GRB14: variants seen among roughly 807,000 people sequenced by gnomAD.
GRB14 encodes growth factor receptor-bound protein 14.
Under a neutral mutation model 69.1 loss-of-function variants are expected in GRB14, and 38 were observed. That is an observed-to-expected ratio of 0.55 (90% confidence interval 0.42 to 0.72). The LOEUF is 0.72. Ranked by LOEUF, GRB14 falls within the 30% of genes least tolerant of loss-of-function variation. The pLI is 0.00. For synonymous variants in GRB14, 247 were observed against 241.3 expected (o/e 1.02, Z -0.22); for missense variants, 666 against 666.1 (o/e 1.00, Z 0.00).
chr2:164,607,768 T>G (rs1690074794), intron 2 of GRB14, among the ~76,000 whole-genome samples: 1 of 152,220 alleles, frequency 6.6e-6, no homozygotes, highest in African/African-American at 2.4e-5. Flanking sequence ...TAATGATTTT[T>G]TACCCTTCAA....
intron 2 of GRB14, among the ~76,000 whole-genome samples, chr2:164,605,168 T>C (rs1690014046): frequency 6.6e-6 from 1 of 152,164 alleles, no homozygotes; most frequent in East Asian, 1.9e-4. Context: ...GCTGTTGCAA[T>C]AGCAGAGAAG....
In GRB14 at chr2:164,621,258, G is replaced by T; in HGVS notation, c.52C>A (p.Arg18=). ...ACCTGGGCGGCCAGCGGCGAATCCC[G>T]GGCAGCCGCCCTGCTCGCGGCGCTC... ...GQSAASRAAA[R]DSPLAAQVCG... Residue 18 remains arginine (R), a synonymous_variant, in exon 1 of 14, where the codon CGG becomes AGG. Transcript: ENST00000263915. This position sits in a 1 kb window ranked among gnomAD's most constrained non-coding sequence, Gnocchi z 6.0. The T allele has an allele frequency of 7.8e-7, 1 of 1,281,022 alleles. No homozygotes were observed. The highest frequency in any genetic ancestry group is 2.9e-5 in the East Asian group (1 of 34,598). The allele number at this position is 1,281,022 out of a possible 1,614,324, so 79.4% of individuals were successfully genotyped here. A position where few individuals can be genotyped will look rare whatever the true frequency, so the allele number is the denominator to read the frequency against.
intron 2 of GRB14, among the ~76,000 whole-genome samples, chr2:164,593,213 G>A (rs1689707742): frequency 6.6e-6 from 1 of 152,072 alleles, no homozygotes; most frequent in Admixed American, 6.5e-5. Context: ...TATTGAGGGA[G>A]GTGACACGTG....
intron 5 of GRB14, among the ~76,000 whole-genome samples, chr2:164,523,912 T>C (rs1048748844): frequency 6.6e-6 from 1 of 152,000 alleles, no homozygotes; most frequent in African/African-American, 2.4e-5. Context: ...TGTGTTGTAA[T>C]ACAGTGGTGA....
intron 12 of GRB14, 32 bp from the exon 13 acceptor site, chr2:164,494,556 A>C (rs746522502): frequency 1.9e-6 from 2 of 1,054,582 alleles, no homozygotes; most frequent in Non-Finnish European, 3.0e-6. Flanking sequence ...CAATGTTTCT[A>C]TATTTACTCA....
At chr2:164,547,917 A>T in intron 2 of GRB14, 101 bp from the exon 3 acceptor site, 1 of 656,718 alleles carries the variant, frequency 1.5e-6, no homozygotes, top group Non-Finnish European at 2.3e-6. Flanking sequence ...ATATTATGAG[A>T]TATATATAAA....
At chr2:164,536,487 C>A (rs539524711) in intron 3 of GRB14, among the ~76,000 whole-genome samples, 1 of 152,260 alleles carries the variant, frequency 6.6e-6, no homozygotes, top group South Asian at 2.1e-4. Flanking sequence ...AGATAACTTA[C>A]AATCACAATA....
intron 6 of GRB14, among the ~76,000 whole-genome samples, chr2:164,515,319 T>G (rs1687453015): frequency 6.6e-6 from 1 of 152,158 alleles, no homozygotes; most frequent in African/African-American, 2.4e-5. Flanking sequence ...TTCACTCCCC[T>G]GCCACCTTCA....
At chr2:164,510,211 C>G (rs1231904336) in intron 6 of GRB14, among the ~76,000 whole-genome samples, 2 of 152,084 alleles carry the variant, frequency 1.3e-5, no homozygotes, top group African/African-American at 4.8e-5. Context: ...CAATATAGTT[C>G]AGTTATTCAA....
At chr2:164,514,775 C>T (rs1687435167) in intron 6 of GRB14, among the ~76,000 whole-genome samples, 1 of 152,162 alleles carries the variant, frequency 6.6e-6, no homozygotes, top group Non-Finnish European at 1.5e-5. Context: ...AACCTGAAAT[C>T]CCTGCTTGCC....
chr2:164,509,718 G>C (rs1687287897), intron 6 of GRB14, among the ~76,000 whole-genome samples: 2 of 143,832 alleles, frequency 1.4e-5, no homozygotes. Context: ...GCTCATCCCA[G>C]ACCTCCTGAA....
intron 2 of GRB14, among the ~76,000 whole-genome samples, chr2:164,577,317 C>T (rs57434784): frequency 0.029 from 4,432 of 152,232 alleles, 202 homozygotes; most frequent in African/African-American, 0.1. Flanking sequence ...CTAATTGATA[C>T]GGTTTGGCTC....
Position 164,521,965 on chromosome 2 carries a change from G to A in GRB14, c.816+15C>T, listed in dbSNP as rs766957623. ...AATATGTCAGTCATAACACATCATG[G>A]ATACTTCAATTTACCTTTGATGTTC... On this transcript the variant is annotated intron_variant, in intron 6 of 13. Coordinates refer to ENST00000263915, the MANE Select transcript of GRB14 (RefSeq NM_004490.3). The A allele has an allele frequency of 6.3e-7, 1 of 1,587,070 alleles. No homozygotes were observed. The highest frequency in any genetic ancestry group is 2.2e-5 in the East Asian group (1 of 44,528).
intron 2 of GRB14, among the ~76,000 whole-genome samples, chr2:164,569,211 T>A (rs189270195): frequency 2.1e-4 from 32 of 152,334 alleles, no homozygotes; most frequent in Non-Finnish European, 3.7e-4. Flanking sequence ...AAAATTTTAA[T>A]GACCATTTTG....
chr2:164,532,511 A>T (rs1486065481), intron 3 of GRB14, among the ~76,000 whole-genome samples: 4 of 152,172 alleles, frequency 2.6e-5, no homozygotes, highest in Non-Finnish European at 5.9e-5. Flanking sequence ...AATGGGGGGA[A>T]TATCCTGGAT....
At chr2:164,620,011 C>A in intron 1 of GRB14, 192 bp from the exon 2 acceptor site, 3 of 353,032 alleles carry the variant, frequency 8.5e-6, no homozygotes, top group Non-Finnish European at 1.0e-5. Flanking sequence ...TAGATACAAA[C>A]AAATCTCCTA....
At chr2:164,599,179 T>C (rs1689858525) in intron 2 of GRB14, among the ~76,000 whole-genome samples, 1 of 152,126 alleles carries the variant, frequency 6.6e-6, no homozygotes, top group African/African-American at 2.4e-5. Flanking sequence ...GGTGCCTCGA[T>C]ATAGTCAGAG....
chr2:164,500,470 A>G (rs1378248547), intron 9 of GRB14, among the ~76,000 whole-genome samples: 1 of 152,148 alleles, frequency 6.6e-6, no homozygotes, highest in Non-Finnish European at 1.5e-5. Flanking sequence ...CGCTGAAAAT[A>G]GTCCCCGGAT....
intron 2 of GRB14, among the ~76,000 whole-genome samples, chr2:164,567,221 T>C (rs1473730055): frequency 6.6e-6 from 1 of 152,162 alleles, no homozygotes; most frequent in Non-Finnish European, 1.5e-5. Context: ...AAAGAACTCA[T>C]GTTGGCAAAA....
Sources: gnomAD v4.1 joint callset for allele counts (sites outside exome capture counted in the v4.1 genomes callset) on GRCh38, gnomAD v4.1.1 for gene constraint, Gnocchi (gnomAD v3.1) non-coding constraint, MANE v1.5 for transcripts, NCBI Gene and HGNC (gene_info 2026-07-23, HGNC 2026-07-21) for gene names.